Variants in MAPK6 observed in about 807,000 individuals in gnomAD.
The protein encoded by MAPK6 is mitogen-activated protein kinase 6.
A neutral mutation model predicts 59.3 loss-of-function variants in MAPK6; 19 were observed. That is an observed-to-expected ratio of 0.32 (90% CI 0.22 to 0.47). The LOEUF is 0.47. Ranked by LOEUF, MAPK6 falls within the 20% of genes least tolerant of loss-of-function variation. The pLI is 1.00. For missense variants in MAPK6, 724 were observed against 847.9 expected, an observed-to-expected ratio of 0.85 and a Z score of 1.81; for synonymous variants, 316 against 290.3, an observed-to-expected ratio of 1.09 and a Z score of -0.90.
chr15:52,010,671 A>T (rs1360816787), intron 3 of MAPK6, among the ~76,000 whole-genome samples: 1 of 151,930 alleles, frequency 6.6e-6, no homozygotes, highest in Non-Finnish European at 1.5e-5. Flanking sequence ...GGCACACATC[A>T]CCAGGCCAGG....
chr15:52,028,201 C>G (rs2030887070), intron 1 of MAPK6, among the ~76,000 whole-genome samples: 1 of 152,134 alleles, frequency 6.6e-6, no homozygotes, highest in African/African-American at 2.4e-5. Context: ...ATCCGCCCGC[C>G]TCGGCCTCCC....
intron 2 of MAPK6, among the ~76,000 whole-genome samples, chr15:52,002,924 C>G (rs1317918424): frequency 6.6e-6 from 1 of 152,156 alleles, no homozygotes; most frequent in Non-Finnish European, 1.5e-5. Flanking sequence ...CGCGGTGGCT[C>G]ATACCTGTAA....
intron 3 of MAPK6, among the ~76,000 whole-genome samples, chr15:52,012,683 A>G (rs547390544): frequency 7.6e-4 from 115 of 152,148 alleles, no homozygotes; most frequent in African/African-American, 2.7e-3. Flanking sequence ...ACCTTAACTC[A>G]AAACATTGAT....
chr15:51,987,323 A>G (rs2057193921), intron 2 of MAPK6, among the ~76,000 whole-genome samples: 1 of 152,166 alleles, frequency 6.6e-6, no homozygotes, highest in African/African-American at 2.4e-5. Flanking sequence ...CCACCTATTC[A>G]GGCTGGGCAC....
At chr15:52,026,532 T>G (rs1391787303) in intron 1 of MAPK6, among the ~76,000 whole-genome samples, 1 of 151,974 alleles carries the variant, frequency 6.6e-6, no homozygotes, top group Non-Finnish European at 1.5e-5. Flanking sequence ...CCTCAAGTGA[T>G]CCACCCGTCT....
intron 1 of MAPK6, among the ~76,000 whole-genome samples, chr15:52,035,205 C>T (rs894663316): frequency 6.6e-6 from 1 of 152,230 alleles, no homozygotes; most frequent in Admixed American, 6.5e-5. Context: ...CTCAGAATGT[C>T]TCAGAGGTGT....
chr15:52,061,065 G>A (rs1350751062), intron 4 of MAPK6, among the ~76,000 whole-genome samples: 2 of 152,122 alleles, frequency 1.3e-5, no homozygotes, highest in African/African-American at 4.8e-5. Flanking sequence ...TTTTTAAGTT[G>A]TAAATCAGGT....
chr15:52,028,101 T>C (rs919689380), intron 1 of MAPK6, among the ~76,000 whole-genome samples: 2 of 151,618 alleles, frequency 1.3e-5, no homozygotes, highest in Middle Eastern at 3.4e-3. Context: ...TACAGGCGCC[T>C]GCCACCACGC....
At chr15:51,998,687 A>ATTTTTTTTTTTTTTTTTTCTTTTT (rs2057233249) in intron 2 of MAPK6, among the ~76,000 whole-genome samples, 1 of 38,472 alleles carries the variant, frequency 2.6e-5, no homozygotes, top group African/African-American at 8.8e-5. Flanking sequence ...TGCCTGGTTA[A>ATTTTTTTTTTTTTTTTTTCTTTTT]TTTTTTTTTT....
At chr15:52,050,435 C>T (rs756302750) in intron 3 of MAPK6, among the ~76,000 whole-genome samples, 1 of 152,176 alleles carries the variant, frequency 6.6e-6, no homozygotes, top group Non-Finnish European at 1.5e-5. Flanking sequence ...TCAGTATCAT[C>T]ACTTCCTGGT....
chr15:51,992,816 G>C (rs764002074), intron 2 of MAPK6, among the ~76,000 whole-genome samples: 1 of 152,118 alleles, frequency 6.6e-6, no homozygotes, highest in South Asian at 2.1e-4. Flanking sequence ...ATGAACAGTC[G>C]GATGGAGGAG....
At chr15:51,982,286 G>A (rs72732966) in intron 1 of MAPK6, among the ~76,000 whole-genome samples, 16,591 of 152,132 alleles carry the variant, frequency 0.11, 1,576 homozygotes, top group East Asian at 0.55. Context: ...CGGCGGGTGG[G>A]GACTGCTGGC....
chr15:51,991,873 C>G (rs2057209751), intron 2 of MAPK6, among the ~76,000 whole-genome samples: 1 of 152,206 alleles, frequency 6.6e-6, no homozygotes, highest in South Asian at 2.1e-4. Flanking sequence ...TTACTGAGAT[C>G]TGGGTTTATA....
At chr15:52,004,611 G>T (rs913852153) in intron 3 of MAPK6, among the ~76,000 whole-genome samples, 3 of 152,124 alleles carry the variant, frequency 2.0e-5, no homozygotes, top group Non-Finnish European at 4.4e-5. Flanking sequence ...AGTCTAAGAG[G>T]GGACAGTATC....
intron 1 of MAPK6, among the ~76,000 whole-genome samples, chr15:51,976,955 TAATAA>T (rs1001192871): frequency 6.6e-6 from 1 of 151,468 alleles, no homozygotes; most frequent in African/African-American, 2.4e-5. Flanking sequence ...AAAAATAAAT[TAATAA>T]AATAAAATTC....
At chr15:52,025,787 C>CA (rs200008223) in intron 1 of MAPK6, among the ~76,000 whole-genome samples, 2,040 of 149,748 alleles carry the variant, frequency 0.014, 49 homozygotes, top group African/African-American at 0.047. Context: ...GACTACGTCT[C>CA]AAAAAAAAAT....
rs1315492603 is a variant in MAPK6 at position 52,046,157 on chromosome 15, A to G, written c.-304A>G. The G allele has an allele frequency of 3.6e-6, 1 of 279,244 alleles. No homozygotes were observed. Among genetic ancestry groups the G allele is most frequent in the African/African-American group, 2.2e-5 (1 of 44,498 alleles). The allele number at this position is 279,244 out of a possible 1,614,324, so 17.3% of individuals were successfully genotyped here. Reference sequence around the variant, plus strand: ...CGGTAATCTGAGTGCACAGTATGTCATTTCATTCCGTTTGAGTTTCTTGTT... The same window carrying G: ...CGGTAATCTGAGTGCACAGTATGTCGTTTCATTCCGTTTGAGTTTCTTGTT... On this transcript the variant is annotated 5_prime_UTR_variant, in exon 2 of 6. Coordinates refer to ENST00000261845, the MANE Select transcript of MAPK6 (RefSeq NM_002748.4).
chr15:52,045,001 C>T (rs1467667483), intron 1 of MAPK6, among the ~76,000 whole-genome samples: 1 of 142,964 alleles, frequency 7.0e-6, no homozygotes, highest in African/African-American at 2.6e-5. Context: ...CATATAACTA[C>T]TTATCTGTTC....
At chr15:52,006,488 A>C (rs1202922048) in intron 3 of MAPK6, among the ~76,000 whole-genome samples, 1 of 152,236 alleles carries the variant, frequency 6.6e-6, no homozygotes, top group Non-Finnish European at 1.5e-5. Flanking sequence ...AAACCACTAC[A>C]TTCAGACACT....
Sources: gnomAD v4.1 joint callset for allele counts (sites outside exome capture counted in the v4.1 genomes callset) on GRCh38, gnomAD v4.1.1 for gene constraint, MANE v1.5 for transcripts, NCBI Gene and HGNC (gene_info 2026-07-23, HGNC 2026-07-21) for gene names.